NPR3: variants seen among roughly 807,000 people sequenced by gnomAD.
NPR3 encodes the protein natriuretic peptide receptor 3.
Under a neutral mutation model 54.5 loss-of-function variants are expected in NPR3, and 34 were observed. That is an observed-to-expected ratio of 0.62 (90% confidence interval 0.47 to 0.83). The LOEUF (loss-of-function observed/expected upper bound fraction) is 0.83, where lower values mean the gene tolerates loss of function less well. Among genes scored for constraint, NPR3 ranks in the 40% least tolerant of loss-of-function variants. The pLI, the probability that NPR3 is intolerant of heterozygous loss-of-function variation, is 0.00. For missense variants in NPR3, 674 were observed against 720.8 expected (o/e 0.94, Z 0.74); for synonymous variants, 289 against 297.1 (o/e 0.97, Z 0.28).
chr5:32,744,945 G>A (rs1294933665), intron 3 of NPR3, among the ~76,000 whole-genome samples: 1 of 152,170 alleles, frequency 6.6e-6, no homozygotes, highest in African/African-American at 2.4e-5. Context: ...TGGCACATAG[G>A]AAATGGCCAA....
At chr5:32,752,531 A>C (rs1377850837) in intron 3 of NPR3, among the ~76,000 whole-genome samples, 1 of 152,176 alleles carries the variant, frequency 6.6e-6, no homozygotes, top group Non-Finnish European at 1.5e-5. Flanking sequence ...GGATAGAAGG[A>C]GGCTTTCTCC....
intron 4 of NPR3, among the ~76,000 whole-genome samples, chr5:32,777,339 C>A (rs980998250): frequency 2.6e-5 from 4 of 152,212 alleles, no homozygotes; most frequent in Non-Finnish European, 5.9e-5. Context: ...TGCATCCTAG[C>A]CACTAACTAG....
intron 3 of NPR3, 36 bp from the exon 4 acceptor site, chr5:32,774,672 G>A (rs768393140): frequency 1.3e-6 from 2 of 1,560,414 alleles, no homozygotes; most frequent in Non-Finnish European, 1.8e-6. Context: ...GAGTCACTTG[G>A]TGTTTTGGTT....
chr5:32,728,831 G>A (rs189635480), intron 2 of NPR3, among the ~76,000 whole-genome samples: 2,005 of 62,834 alleles, frequency 0.032, 27 homozygotes, highest in South Asian at 0.053. Context: ...GTGTGTGTGT[G>A]TGTGTGTATA....
At chr5:32,700,493 C>T (rs1007336836) in intron 1 of NPR3, among the ~76,000 whole-genome samples, 10 of 151,900 alleles carry the variant, frequency 6.6e-5, no homozygotes, top group Non-Finnish European at 1.0e-4. Context: ...GTTTGCTGCA[C>T]CCATCAACTC....
intron 1 of NPR3, among the ~76,000 whole-genome samples, chr5:32,697,906 T>C (rs1451175851): frequency 6.6e-6 from 1 of 152,064 alleles, no homozygotes; most frequent in African/African-American, 2.4e-5. Context: ...TAAAGGTTTG[T>C]CGATTTTCTT....
intron 1 of NPR3, among the ~76,000 whole-genome samples, chr5:32,691,574 G>A (rs56232465): frequency 2.0e-5 from 3 of 152,234 alleles, no homozygotes; most frequent in Non-Finnish European, 2.9e-5. Context: ...CCTGAAAGGC[G>A]TTAGAAACAT....
intron 2 of NPR3, among the ~76,000 whole-genome samples, chr5:32,729,825 G>A (rs1393036269): frequency 6.6e-6 from 1 of 152,106 alleles, no homozygotes; most frequent in African/African-American, 2.4e-5. Flanking sequence ...GTTATATGGG[G>A]CATGACTGTA....
chr5:32,721,779 AT>A (rs1738878017), intron 1 of NPR3, among the ~76,000 whole-genome samples: 1 of 152,220 alleles, frequency 6.6e-6, no homozygotes, highest in African/African-American at 2.4e-5. Context: ...AGACTGCATA[AT>A]TTGTAAAGAA....
rs201023469 is a variant in NPR3 at position 32,756,875 on chromosome 5, T to G, written c.1060-17833T>G. Among the ~76,000 whole-genome samples the G allele has an allele frequency of 5.9e-5, 9 of 152,290 alleles. No individual in the cohort carries two copies. In the East Asian group the frequency reaches 1.7e-3, roughly 29 times the overall value. On this transcript the variant is annotated intron_variant, in intron 3 of 7. Transcript: ENST00000265074. ...TTAAATAGGGAATCCTTTCCCCATT[T>G]CTTGTTTTTGTCAGGGTTGTCAAAG...
chr5:32,717,014 C>A (rs1738593849), intron 1 of NPR3, among the ~76,000 whole-genome samples: 1 of 149,342 alleles, frequency 6.7e-6, no homozygotes, highest in Admixed American at 6.7e-5. Context: ...ACCCCCCACC[C>A]CCTGACAGGC....
chr5:32,714,394 G>C (rs934056075), intron 1 of NPR3, among the ~76,000 whole-genome samples: 9 of 145,538 alleles, frequency 6.2e-5, no homozygotes, highest in African/African-American at 2.3e-4. Context: ...GCAGTGCCCT[G>C]GTGGGCCTGG....
In NPR3 at chr5:32,764,788, C is replaced by CAAAAAAAAAAAAAAAAA. The variant is rs568944478; in HGVS notation, c.1060-9908_1060-9892dup. The stretch of plus-strand genomic sequence containing the variant: ...GGGTGACAAGAGTGAGGGTCCATCT[C>CAAAAAAAAAAAAAAAAA]AAAAAAAAAAAAAAAAAAAAAAAAA... On this transcript the variant is annotated intron_variant, in intron 3 of 7. Coordinates refer to ENST00000265074, the MANE Select transcript of NPR3 (RefSeq NM_001204375.2). Among the ~76,000 whole-genome samples the CAAAAAAAAAAAAAAAAA allele has an allele frequency of 4.1e-4, 15 of 36,500 alleles. 2 individuals carry two copies. Among genetic ancestry groups the CAAAAAAAAAAAAAAAAA allele is most frequent in the African/African-American group, 1.2e-3 (12 of 10,300 alleles). The allele number at this position is 36,500 out of a possible 152,430, so 23.9% of individuals were successfully genotyped here. A position where few individuals can be genotyped will look rare whatever the true frequency, so the allele number is the denominator to read the frequency against.
chr5:32,701,455 T>C (rs1480428154), intron 1 of NPR3, among the ~76,000 whole-genome samples: 2 of 152,238 alleles, frequency 1.3e-5, no homozygotes, highest in African/African-American at 4.8e-5. Context: ...AAACAGCTAT[T>C]TTGAATTCTC....
At chr5:32,757,041 G>T (rs1740882314) in intron 3 of NPR3, among the ~76,000 whole-genome samples, 1 of 152,206 alleles carries the variant, frequency 6.6e-6, no homozygotes, top group Non-Finnish European at 1.5e-5. Context: ...GTAGCATGAT[G>T]CCTCCAGCTT....
intron 3 of NPR3, among the ~76,000 whole-genome samples, chr5:32,765,948 G>A (rs1741426730): frequency 6.6e-6 from 1 of 152,206 alleles, no homozygotes; most frequent in Admixed American, 6.5e-5. Flanking sequence ...GCAAGAGGAG[G>A]AAAAGTTACC....
chr5:32,781,841 C>T (rs140344293), intron 5 of NPR3, among the ~76,000 whole-genome samples: 3 of 152,274 alleles, frequency 2.0e-5, no homozygotes, highest in Non-Finnish European at 2.9e-5. Context: ...GCTCAGTACA[C>T]GCCAGTGATT....
chr5:32,691,128 C>T (rs572188383), intron 1 of NPR3, among the ~76,000 whole-genome samples: 7 of 152,288 alleles, frequency 4.6e-5, no homozygotes, highest in African/African-American at 1.4e-4. Flanking sequence ...TTTTAAGATA[C>T]TAAGTTTTGG....
chr5:32,783,283 A>T (rs1309561864), intron 6 of NPR3: 2 of 348,996 alleles, frequency 5.7e-6, no homozygotes, highest in Non-Finnish European at 1.0e-5. Flanking sequence ...TGGCTAGGTC[A>T]TGTTTCCACT....
Sources: allele counts gnomAD v4.1 joint callset (sites outside exome capture counted in the v4.1 genomes callset), GRCh38; gene constraint gnomAD v4.1.1; transcripts MANE v1.5; gene names NCBI Gene and HGNC (gene_info 2026-07-23, HGNC 2026-07-21).